The following MARCHF3 variants were observed in gnomAD, a reference collection of about 807,000 sequenced individuals.
MARCHF3 encodes the protein membrane associated ring-CH-type finger 3.
A neutral mutation model predicts 24.2 loss-of-function variants in MARCHF3; 13 were observed. The ratio of observed to expected loss-of-function variants is 0.54; its 90% CI spans 0.35 to 0.85. The LOEUF (loss-of-function observed/expected upper bound fraction) is 0.85. Among genes scored for constraint, MARCHF3 ranks in the 40% least tolerant of loss-of-function variants. The pLI, the probability that MARCHF3 is intolerant of heterozygous loss-of-function variation, is 0.01. For synonymous variants in MARCHF3, 144 were observed against 137.3 expected, an observed-to-expected ratio of 1.05 and a Z score of -0.34; for missense variants, 276 against 325.0, an observed-to-expected ratio of 0.85 and a Z score of 1.16.
chr5:127,011,351 T>C (rs1308648473), intron 1 of MARCHF3, among the ~76,000 whole-genome samples: 2 of 152,072 alleles, frequency 1.3e-5, no homozygotes, highest in Non-Finnish European at 2.9e-5. Context: ...CACCTACTCA[T>C]CCAAATAACC....
intron 1 of MARCHF3, among the ~76,000 whole-genome samples, chr5:126,926,565 T>C (rs1007087466): frequency 1.3e-5 from 2 of 152,202 alleles, no homozygotes; most frequent in Admixed American, 6.5e-5. Flanking sequence ...ACACCAATTG[T>C]TCTTTCATGT....
intron 1 of MARCHF3, among the ~76,000 whole-genome samples, chr5:126,978,541 T>C (rs1262847896): frequency 2.0e-5 from 3 of 152,160 alleles, no homozygotes; most frequent in Admixed American, 1.3e-4. Flanking sequence ...GATGTCAGAG[T>C]GTCCACAATT....
At chr5:126,989,233 C>T (rs1040516905) in intron 1 of MARCHF3, among the ~76,000 whole-genome samples, 4 of 151,866 alleles carry the variant, frequency 2.6e-5, no homozygotes, top group South Asian at 2.1e-4. Context: ...CGGCTATGAT[C>T]GCACCACTGC....
intron 1 of MARCHF3, among the ~76,000 whole-genome samples, chr5:127,003,130 GAAA>G (rs113015192): frequency 7.2e-6 from 1 of 138,200 alleles, no homozygotes; most frequent in South Asian, 2.3e-4. Context: ...AAAGAAAAAA[GAAA>G]AAAAAAAAAG....
intron 3 of MARCHF3, among the ~76,000 whole-genome samples, chr5:126,880,408 A>G (rs988438222): frequency 2.0e-5 from 3 of 152,244 alleles, no homozygotes; most frequent in African/African-American, 4.8e-5. Context: ...TAATATAAAT[A>G]CCAAAATAAG....
chr5:126,904,069 T>G (rs540081626), intron 3 of MARCHF3, among the ~76,000 whole-genome samples: 130 of 150,548 alleles, frequency 8.6e-4, no homozygotes, highest in Non-Finnish European at 1.6e-3. Context: ...CAGTGTTTGG[T>G]TTTTTGTTCT....
chr5:127,019,764 T>C (rs978725461), intron 1 of MARCHF3, among the ~76,000 whole-genome samples: 1 of 152,208 alleles, frequency 6.6e-6, no homozygotes. Flanking sequence ...CATGAGATAA[T>C]ACACGTCCTT....
At chr5:126,999,275 T>C (rs1377373899) in intron 1 of MARCHF3, among the ~76,000 whole-genome samples, 1 of 152,128 alleles carries the variant, frequency 6.6e-6, no homozygotes, top group Non-Finnish European at 1.5e-5. Flanking sequence ...GATGGCAGAC[T>C]TTTTTTTCTT....
intron 1 of MARCHF3, among the ~76,000 whole-genome samples, chr5:126,990,117 G>A (rs1029011670): frequency 3.8e-4 from 55 of 144,364 alleles, no homozygotes; most frequent in African/African-American, 1.4e-3. Flanking sequence ...GAACAAAGCT[G>A]GAGGCATCAC....
At chr5:126,881,773 A>G (rs576618517) in intron 3 of MARCHF3, among the ~76,000 whole-genome samples, 3 of 152,166 alleles carry the variant, frequency 2.0e-5, no homozygotes, top group South Asian at 2.1e-4. Flanking sequence ...TTTTTTGTAC[A>G]TTATTTTCTT....
chr5:126,995,613 A>C (rs1284472199), intron 1 of MARCHF3, among the ~76,000 whole-genome samples: 1 of 152,252 alleles, frequency 6.6e-6, no homozygotes. Flanking sequence ...TGGCTGAACA[A>C]TATTCACATC....
intron 3 of MARCHF3, among the ~76,000 whole-genome samples, chr5:126,907,413 TG>T (rs1285943910): frequency 7.1e-6 from 1 of 140,068 alleles, no homozygotes; most frequent in Non-Finnish European, 1.5e-5. Flanking sequence ...ATGTTGACAG[TG>T]GGGTGTTAAA....
At chr5:127,000,339 C>T (rs1752087187) in intron 1 of MARCHF3, among the ~76,000 whole-genome samples, 1 of 152,126 alleles carries the variant, frequency 6.6e-6, no homozygotes, top group African/African-American at 2.4e-5. Context: ...AGTGATGTGA[C>T]AGATCAGATC....
In MARCHF3 at chr5:126,992,766, A is replaced by ATTTTTTTTTTTTTTTTTTTTTT. The variant is rs757479478; in HGVS notation, c.-57+37562_-57+37583dup. 5.2e-5 allele frequency among the ~76,000 whole-genome samples: 5 copies of ATTTTTTTTTTTTTTTTTTTTTT among 95,504 alleles called. 1 individual carries two copies. The highest frequency in any genetic ancestry group is 2.1e-4 in the African/African-American group (5 of 24,126). 62.7% of individuals were successfully genotyped at this position (95,504 alleles called of 152,430 possible). A position where few individuals can be genotyped will look rare whatever the true frequency, so the allele number is the denominator to read the frequency against. ...TCTTCCTCTTTTTGACATCCACGTG[A>ATTTTTTTTTTTTTTTTTTTTTT]TTTTTTTTTTTTTTTTTTTTTTTGA... is the stretch of plus-strand genomic sequence containing the variant. On this transcript the variant is annotated intron_variant, in intron 1 of 4. Coordinates refer to ENST00000308660, the MANE Select transcript of MARCHF3 (RefSeq NM_178450.5).
intron 3 of MARCHF3, among the ~76,000 whole-genome samples, chr5:126,886,504 T>C (rs1190422726): frequency 6.6e-6 from 1 of 152,060 alleles, no homozygotes; most frequent in Non-Finnish European, 1.5e-5. Flanking sequence ...AAAATGGGAG[T>C]CTACCTCAAC....
chr5:126,911,260 GACCCAC>G (rs1200369032), intron 3 of MARCHF3, among the ~76,000 whole-genome samples: 3 of 152,018 alleles, frequency 2.0e-5, no homozygotes, highest in Non-Finnish European at 4.4e-5. Context: ...TGATCTCTGT[GACCCAC>G]ACCCTTTTCG....
chr5:126,940,959 T>G (rs1410754042), intron 1 of MARCHF3, among the ~76,000 whole-genome samples: 1 of 152,160 alleles, frequency 6.6e-6, no homozygotes, highest in African/African-American at 2.4e-5. Context: ...CCACTTATAC[T>G]TTTGCAACTG....
chr5:126,907,381 T>C (rs1754338221), intron 3 of MARCHF3, among the ~76,000 whole-genome samples: 1 of 129,320 alleles, frequency 7.7e-6, no homozygotes, highest in African/African-American at 3.1e-5. Context: ...CTTGTTGACT[T>C]TCTGTCTCGT....
At chr5:126,996,678 G>GCA (rs1056956671) in intron 1 of MARCHF3, among the ~76,000 whole-genome samples, 1 of 152,028 alleles carries the variant, frequency 6.6e-6, no homozygotes, top group African/African-American at 2.4e-5. Context: ...AATAAGGAAT[G>GCA]CAGGAGAACC....
Sources: allele counts gnomAD v4.1 joint callset (sites outside exome capture counted in the v4.1 genomes callset), GRCh38; gene constraint gnomAD v4.1.1; transcripts MANE v1.5; gene names NCBI Gene and HGNC (gene_info 2026-07-23, HGNC 2026-07-21).